Variants in ERC2 observed in about 807,000 individuals in gnomAD.
ERC2 encodes ERC protein 2.
In ERC2, 42 loss-of-function variants were observed where a neutral mutation model predicts 114.8. The ratio of observed to expected loss-of-function variants is 0.37; its 90% CI spans 0.29 to 0.47. The LOEUF is 0.47. Among genes scored for constraint, ERC2 ranks in the 20% least tolerant of loss-of-function variants. The pLI, the probability that ERC2 is intolerant of heterozygous loss-of-function variation, is 0.99. For missense variants in ERC2, 939 were observed against 1,150.7 expected, an observed-to-expected ratio of 0.82 and a Z score of 2.66; for synonymous variants, 454 against 425.5, an observed-to-expected ratio of 1.07 and a Z score of -0.82.
chr3:55,842,255 G>A (rs896039489), intron 14 of ERC2, among the ~76,000 whole-genome samples: 14 of 152,132 alleles, frequency 9.2e-5, no homozygotes, highest in Non-Finnish European at 1.5e-5. Context: ...CCAAAAAAAA[G>A]ATGATCAAAA....
chr3:55,653,281 C>T (rs1419000190), intron 17 of ERC2, among the ~76,000 whole-genome samples: 1 of 151,906 alleles, frequency 6.6e-6, no homozygotes, highest in East Asian at 1.9e-4. Flanking sequence ...TGAATTTTTC[C>T]ATAGTTCACT....
intron 4 of ERC2, among the ~76,000 whole-genome samples, chr3:56,173,064 T>G (rs932274212): frequency 1.3e-5 from 2 of 152,214 alleles, no homozygotes; most frequent in African/African-American, 4.8e-5. Context: ...GTAAAATAAC[T>G]TCCCTTTGCC....
At chr3:55,516,243 TAA>T (rs60032562) in intron 17 of ERC2, among the ~76,000 whole-genome samples, 43 of 142,302 alleles carry the variant, frequency 3.0e-4, no homozygotes, top group Non-Finnish European at 2.6e-4. Context: ...TCGTTTCTGC[TAA>T]AAAAAAAAAA....
intron 3 of ERC2, among the ~76,000 whole-genome samples, chr3:56,200,107 T>C (rs4974180): frequency 0.081 from 12,303 of 152,144 alleles, 679 homozygotes; most frequent in Admixed American, 0.15. Flanking sequence ...AGGGTTACTG[T>C]GAGGAATTCA....
intron 2 of ERC2, among the ~76,000 whole-genome samples, chr3:56,371,140 C>T (rs1269835409): frequency 1.3e-5 from 2 of 152,146 alleles, no homozygotes; most frequent in Non-Finnish European, 2.9e-5. Context: ...AGCCAGAGAA[C>T]GAAGAAAAGA....
At chr3:56,094,889 C>T (rs1470040652) in intron 6 of ERC2, among the ~76,000 whole-genome samples, 3 of 152,276 alleles carry the variant, frequency 2.0e-5, no homozygotes, top group Middle Eastern at 3.4e-3. Flanking sequence ...TGAAACTTTA[C>T]CTAACTCTTT....
At chr3:55,619,335 G>C (rs1288292537) in intron 17 of ERC2, among the ~76,000 whole-genome samples, 1 of 152,196 alleles carries the variant, frequency 6.6e-6, no homozygotes, top group Non-Finnish European at 1.5e-5. Context: ...ATGCTAGGTT[G>C]CGTTACGCTC....
intron 3 of ERC2, among the ~76,000 whole-genome samples, chr3:56,193,897 C>G (rs565776780): frequency 6.6e-6 from 1 of 152,246 alleles, no homozygotes; most frequent in East Asian, 1.9e-4. Context: ...AAGGACACTT[C>G]TATGTTTATG....
chr3:56,132,573 C>T (rs1023158841), intron 6 of ERC2, among the ~76,000 whole-genome samples: 15 of 152,140 alleles, frequency 9.9e-5, no homozygotes, highest in African/African-American at 3.4e-4. Flanking sequence ...GGAGGCGGAG[C>T]TTGCAGTGAG....
At chr3:56,269,161 C>T (rs1048298078) in intron 3 of ERC2, among the ~76,000 whole-genome samples, 1 of 152,192 alleles carries the variant, frequency 6.6e-6, no homozygotes, top group African/African-American at 2.4e-5. Flanking sequence ...GTAACACATC[C>T]AGCTGTAAAG....
intron 7 of ERC2, among the ~76,000 whole-genome samples, chr3:56,027,681 C>A (rs1172864266): frequency 6.6e-6 from 1 of 152,016 alleles, no homozygotes; most frequent in Admixed American, 6.5e-5. Flanking sequence ...TACTATTCAC[C>A]GTTGTGACTC....
At chr3:56,270,363 T>C (rs778770198) in intron 3 of ERC2, among the ~76,000 whole-genome samples, 1 of 152,236 alleles carries the variant, frequency 6.6e-6, no homozygotes, top group Non-Finnish European at 1.5e-5. Flanking sequence ...AGCACATTTA[T>C]TGCCATTTTT....
chr3:56,126,556 G>T (rs916266515), intron 6 of ERC2, among the ~76,000 whole-genome samples: 3 of 152,112 alleles, frequency 2.0e-5, no homozygotes, highest in African/African-American at 7.2e-5. Context: ...CCAAAAATTT[G>T]AGATCAGCCA....
At chr3:56,018,653 G>C (rs2073479220) in intron 8 of ERC2, among the ~76,000 whole-genome samples, 1 of 152,158 alleles carries the variant, frequency 6.6e-6, no homozygotes, top group African/African-American at 2.4e-5. Context: ...TGGCAAGCTA[G>C]TGAAGGTTTT....
intron 17 of ERC2, among the ~76,000 whole-genome samples, chr3:55,559,017 G>A (rs1184895483): frequency 6.6e-6 from 1 of 152,254 alleles, no homozygotes; most frequent in Non-Finnish European, 1.5e-5. Context: ...CAGGCTGAGA[G>A]AGCAGGAGAC....
chr3:55,886,437 G>A (rs1281080442), intron 14 of ERC2, among the ~76,000 whole-genome samples: 1 of 152,048 alleles, frequency 6.6e-6, no homozygotes, highest in Non-Finnish European at 1.5e-5. Context: ...ATTCCATATT[G>A]TTTTCTAGGA....
intron 17 of ERC2, among the ~76,000 whole-genome samples, chr3:55,653,218 T>TTA (rs1182810072): frequency 1.1e-4 from 2 of 18,724 alleles, no homozygotes; most frequent in African/African-American, 2.7e-4. Flanking sequence ...CATATATATT[T>TTA]TATGTGTGTA....
intron 14 of ERC2, among the ~76,000 whole-genome samples, chr3:55,788,236 C>T (rs2069670382): frequency 6.6e-6 from 1 of 152,140 alleles, no homozygotes; most frequent in African/African-American, 2.4e-5. Context: ...ATCTACATGT[C>T]TGACTTAAAA....
intron 5 of ERC2, among the ~76,000 whole-genome samples, chr3:56,147,872 T>C (rs760611366): frequency 1.9e-4 from 29 of 152,304 alleles, no homozygotes; most frequent in African/African-American, 6.5e-4. Context: ...ATTATGCATA[T>C]GTAAAAATAA....
Sources: allele counts gnomAD v4.1 joint callset (sites outside exome capture counted in the v4.1 genomes callset), GRCh38; gene constraint gnomAD v4.1.1; transcripts MANE v1.5; gene names NCBI Gene and HGNC (gene_info 2026-07-23, HGNC 2026-07-21).